Variants in ZDHHC22 observed in about 807,000 individuals in gnomAD.
The protein encoded by ZDHHC22 is zDHHC palmitoyltransferase 22.
ZDHHC22 carries 13 observed loss-of-function variants against 17.0 expected under a neutral mutation model. That is an observed-to-expected ratio of 0.76 (90% CI 0.50 to 1.21). The LOEUF (loss-of-function observed/expected upper bound fraction) is 1.21, where lower values mean the gene tolerates loss of function less well. ZDHHC22 is among the 50% of genes most tolerant of loss of function. The pLI is 0.00. For synonymous variants in ZDHHC22, 138 were observed against 154.7 expected (o/e 0.89, Z 0.80); for missense variants, 319 against 342.3 (o/e 0.93, Z 0.54).
chr14:77,139,632 T>G lies in ZDHHC22; in HGVS notation c.107A>C (p.Glu36Ala), dbSNP rs773785753. The change falls in exon 2 of 3, where the codon GAG becomes GCG. Residue 36 changes from glutamate to alanine, a missense_variant. By Grantham distance (107) the Glu-to-Ala change is moderately radical. Coordinates refer to ENST00000319374, the MANE Select transcript of ZDHHC22 (RefSeq NM_174976.2). ...GAAGAGCCGGGCGGCCGCGGGGTCC[T>G]CGCGCATGCTGGGCAGGAAGAGGAA... ...QLFLFLPSMR[E>A]DPAAARLFSP... The G allele has an allele frequency of 5.1e-6, 8 of 1,578,434 alleles. No homozygotes were observed. In the African/African-American group the frequency reaches 1.1e-4, roughly 21 times the overall value.
chr14:77,134,525 C>A (rs1438571517), intron 2 of ZDHHC22, among the ~76,000 whole-genome samples: 1 of 152,160 alleles, frequency 6.6e-6, no homozygotes, highest in Admixed American at 6.6e-5. Flanking sequence ...GCCCAGAACA[C>A]CAACGTAGAG....
At chr14:77,135,611 G>A (rs986125814) in intron 2 of ZDHHC22, among the ~76,000 whole-genome samples, 6 of 152,222 alleles carry the variant, frequency 3.9e-5, no homozygotes, top group South Asian at 2.1e-4. Flanking sequence ...CTTCCATGTC[G>A]GCACAGATTA....
At position 77,140,881 on chromosome 14, in the gene ZDHHC22, C is replaced by G. The variant is rs1306806270; in HGVS notation, c.-15+722G>C. The G allele has an allele frequency of 6.6e-6, 1 of 152,164 alleles. No individual in the cohort carries two copies. The highest frequency in any genetic ancestry group is 2.4e-5 in the African/African-American group (1 of 41,426). The allele number at this position is 152,164 out of a possible 1,614,324, so 9.4% of individuals were successfully genotyped here. A position where few individuals can be genotyped will look rare whatever the true frequency, so the allele number is the denominator to read the frequency against. ...CCACCGAGAAATAGGATTCCGTGCG[C>G]CCGAGAGAACTTTTCCAGGGGCTAA... On this transcript the variant is annotated intron_variant, in intron 1 of 2. Coordinates refer to ENST00000319374, the MANE Select transcript of ZDHHC22 (RefSeq NM_174976.2). The surrounding 1 kb of genome is among the most constrained non-coding windows in gnomAD (Gnocchi z 5.9).
upstream of ZDHHC22, chr14:77,142,082 G>A (rs1327021780): frequency 1.3e-5 from 2 of 152,696 alleles, no homozygotes; most frequent in African/African-American, 4.8e-5. Flanking sequence ...GGAACCCTGG[G>A]GGCTTGAGAG....
Position 77,140,948 on chromosome 14 carries a change from C to A in ZDHHC22, c.-15+655G>T, listed in dbSNP as rs992176443. The stretch of plus-strand genomic sequence containing the variant: ...AGGCGCGAGAAAAGTTCTGGGAAGG[C>A]GGTTGCACCTAGGATGGGTGGATGC... On this transcript the variant is annotated intron_variant, in intron 1 of 2. Transcript: ENST00000319374. The surrounding 1 kb of genome is among the most constrained non-coding windows in gnomAD (Gnocchi z 5.9). 2 of 152,268 alleles carry A rather than the reference C, an allele frequency of 1.3e-5. No individual in the cohort carries two copies. The highest frequency in any genetic ancestry group is 4.8e-5 in the African/African-American group (2 of 41,448). 9.4% of individuals were successfully genotyped at this position (152,268 alleles called of 1,614,324 possible).
At chr14:77,135,976 C>A (rs549903720) in intron 2 of ZDHHC22, among the ~76,000 whole-genome samples, 1 of 152,312 alleles carries the variant, frequency 6.6e-6, no homozygotes, top group African/African-American at 2.4e-5. Context: ...AATAGTTCTG[C>A]CTCTTTTTAA....
rs1333123945 is a variant in ZDHHC22 at position 77,140,290 on chromosome 14, A to T, written c.-14-538T>A. 1.3e-5 allele frequency among the ~76,000 whole-genome samples: 2 copies of T among 151,800 alleles called. No homozygotes were observed. Among genetic ancestry groups the T allele is most frequent in the African/African-American group, 4.8e-5 (2 of 41,294 alleles). On this transcript the variant is annotated intron_variant, in intron 1 of 2. Transcript: ENST00000319374. This position sits in a 1 kb window ranked among gnomAD's most constrained non-coding sequence, Gnocchi z 5.9. ...CACACATCTTGGGCAGCACTCAGGGACCTCACCAGGTTACCCAAGGCTCTT... is the reference window on the plus strand; with the variant it reads ...CACACATCTTGGGCAGCACTCAGGGTCCTCACCAGGTTACCCAAGGCTCTT...
At position 77,135,194 on chromosome 14, in the gene ZDHHC22, G is replaced by T. The variant is rs909337963; in HGVS notation, c.527-1246C>A. 4.6e-5 allele frequency among the ~76,000 whole-genome samples: 7 copies of T among 151,954 alleles called. No homozygotes were observed. The South Asian group carries it at 6.2e-4, about 14-fold the overall frequency. On this transcript the variant is annotated intron_variant, in intron 2 of 2. Transcript: ENST00000319374. ...CAACCCTATCACCTCCTCTGGTGGG[G>T]GGGGGGCACCTCCTCTAAGGACTCC...
chr14:77,139,146 G>A, intron 2 of ZDHHC22, 67 bp downstream of exon 2: 18 of 1,491,776 alleles, frequency 1.2e-5, no homozygotes, highest in East Asian at 2.5e-5. Flanking sequence ...TGGGGTTTGG[G>A]GCCCGGCAAC....
rs1887042554 is a variant in ZDHHC22, at chr14:77,132,327, C to A, written c.*1356G>T. The A allele has an allele frequency of 6.6e-6, 1 of 152,452 alleles. No homozygotes were observed. Among genetic ancestry groups the A allele is most frequent in the African/African-American group, 2.4e-5 (1 of 41,456 alleles). The allele number at this position is 152,452 out of a possible 1,614,324, so 9.4% of individuals were successfully genotyped here. On this transcript the variant is annotated 3_prime_UTR_variant, in exon 3 of 3. Coordinates refer to ENST00000319374, the MANE Select transcript of ZDHHC22 (RefSeq NM_174976.2). ...CAATGACACTGCTCCATCTCCCTGT[C>A]CTCAAATGTCAGTCCCCTCAACCAC... is the stretch of plus-strand genomic sequence containing the variant.
intron 2 of ZDHHC22, among the ~76,000 whole-genome samples, chr14:77,137,418 T>A (rs1180425601): frequency 2.6e-5 from 4 of 152,138 alleles, no homozygotes; most frequent in Admixed American, 1.3e-4. Flanking sequence ...CATTTCAAGG[T>A]CTTCCTTCTG....
chr14:77,133,834 T>G lies in ZDHHC22; in HGVS notation c.641A>C (p.Gln214Pro), dbSNP rs537509955. 5.0e-6 allele frequency: 8 copies of G among 1,613,752 alleles called. No individual in the cohort carries two copies. The highest frequency in any genetic ancestry group is 2.2e-5 in the South Asian group (2 of 91,060). ...CHQLLLILRG[Q>P]TRHQVRKGVA... is the part of the protein sequence containing the mutation. ...CCCCTTCCGCACCTGGTGGCGGGTCTGCCCGCGGAGGATCAACAGCAGCTG... is the reference window on the plus strand; with the variant it reads ...CCCCTTCCGCACCTGGTGGCGGGTCGGCCCGCGGAGGATCAACAGCAGCTG... The change falls in exon 3 of 3, where the codon CAG (glutamine) becomes CCG (proline). Residue 214 changes from glutamine (Q) to proline (P), a missense_variant. Transcript: ENST00000319374.
Position 77,139,707 on chromosome 14 carries a change from G to A in ZDHHC22, c.32C>T (p.Ala11Val). 6.6e-7 allele frequency: 1 copy of A among 1,522,210 alleles called. No homozygotes were observed. The highest frequency in any genetic ancestry group is 8.8e-7 in the Non-Finnish European group (1 of 1,135,286). The allele number at this position is 1,522,210 out of a possible 1,614,324, so 94.3% of individuals were successfully genotyped here. A position where few individuals can be genotyped will look rare whatever the true frequency, so the allele number is the denominator to read the frequency against. ...GGAGATGCACAAGAAGTAGGCGGGG[G>A]CCACCACGTTGAGCAGCCGCAGGGC... MLALRLLNVV[A>V]PAYFLCISLV... Residue 11 changes from alanine to valine, a missense_variant, in exon 2 of 3, where the codon GCC (alanine) becomes GTC (valine). Coordinates refer to ENST00000319374, the MANE Select transcript of ZDHHC22 (RefSeq NM_174976.2).
intron 1 of ZDHHC22, 149 bp from the exon 2 acceptor site, chr14:77,139,901 T>G: frequency 2.4e-6 from 2 of 816,368 alleles, no homozygotes; most frequent in Non-Finnish European, 3.5e-6. Context: ...CCCAGTTCCC[T>G]AACCCCGGAT....
chr14:77,137,747 TGTAGCC>T (rs1297248907), intron 2 of ZDHHC22, among the ~76,000 whole-genome samples: 1 of 152,228 alleles, frequency 6.6e-6, no homozygotes, highest in Non-Finnish European at 1.5e-5. Context: ...AGAACTGGGC[TGTAGCC>T]ACCACAAAGA....
chr14:77,137,350 C>A (rs1331129841), intron 2 of ZDHHC22, among the ~76,000 whole-genome samples: 1 of 152,210 alleles, frequency 6.6e-6, no homozygotes, highest in Non-Finnish European at 1.5e-5. Context: ...GTTCTCCCAT[C>A]AGATCAAACC....
At chr14:77,137,600 T>TGGG (rs1262344042) in intron 2 of ZDHHC22, among the ~76,000 whole-genome samples, 4 of 125,932 alleles carry the variant, frequency 3.2e-5, no homozygotes, top group African/African-American at 6.0e-5. Flanking sequence ...GTGCCAGTGC[T>TGGG]GGGATCCAGA....
At position 77,131,881 on chromosome 14, in the gene ZDHHC22, A is replaced by G. The variant is rs887157698; in HGVS notation, c.*1802T>C. On this transcript the variant is annotated 3_prime_UTR_variant, in exon 3 of 3. Coordinates refer to ENST00000319374, the MANE Select transcript of ZDHHC22 (RefSeq NM_174976.2). ...ATACGTAGGATGGATGAGTGAAGGA[A>G]TGAGTATGGGAGGGAGAAATGTGAG... 1 of 152,248 alleles carries G rather than the reference A, an allele frequency of 6.6e-6. No individual in the cohort carries two copies. The highest frequency in any genetic ancestry group is 2.4e-5 in the African/African-American group (1 of 41,456). The allele number at this position is 152,248 out of a possible 1,614,324, so 9.4% of individuals were successfully genotyped here.
Position 77,139,350 on chromosome 14 carries a change from C to T in ZDHHC22, c.389G>A (p.Cys130Tyr). 1 of 1,600,734 alleles carries T rather than the reference C, an allele frequency of 6.2e-7. No individual in the cohort carries two copies. Among genetic ancestry groups the T allele is most frequent in the Non-Finnish European group, 8.5e-7 (1 of 1,174,052 alleles). ...SRNMRNFVLFCLYTSLACLYS... is the reference protein window; with the variant it reads ...SRNMRNFVLFYLYTSLACLYS... ...GAGGCAGGCCAGGGAGGTGTAGAGGCAGAACAGGACGAAGTTGCGCATGTT... is the reference window on the plus strand; with the variant it reads ...GAGGCAGGCCAGGGAGGTGTAGAGGTAGAACAGGACGAAGTTGCGCATGTT... The change falls in exon 2 of 3, where the codon TGC becomes TAC. Residue 130 changes from cysteine (C) to tyrosine (Y), a missense_variant. Cys to Tyr is a radical substitution (Grantham distance 194). Transcript: ENST00000319374.
Sources: gnomAD v4.1 joint callset for allele counts (sites outside exome capture counted in the v4.1 genomes callset) on GRCh38, gnomAD v4.1.1 for gene constraint, Gnocchi (gnomAD v3.1) non-coding constraint, MANE v1.5 for transcripts, NCBI Gene and HGNC (gene_info 2026-07-23, HGNC 2026-07-21) for gene names.